Variants in JARID2 observed in about 807,000 individuals in gnomAD.
JARID2 encodes the protein protein Jumonji.
In JARID2, 21 loss-of-function variants were observed where a neutral mutation model predicts 125.6. The ratio of observed to expected loss-of-function variants is 0.17; its 90% CI spans 0.12 to 0.24. JARID2 has a LOEUF of 0.24. Ranked by LOEUF, JARID2 falls within the 10% of genes least tolerant of loss-of-function variation. The pLI, the probability that JARID2 is intolerant of heterozygous loss-of-function variation, is 1.00. For missense variants in JARID2, 1,303 were observed against 1,639.6 expected (o/e 0.79, Z 3.55); for synonymous variants, 736 against 661.6 (o/e 1.11, Z -1.73).
intron 4 of JARID2, among the ~76,000 whole-genome samples, chr6:15,455,691 C>A (rs1768132931): frequency 6.6e-6 from 1 of 152,158 alleles, no homozygotes; most frequent in Non-Finnish European, 1.5e-5. Flanking sequence ...ACCACTACGC[C>A]TGGCTAATTT....
chr6:15,304,013 CCT>C (rs896987177), intron 1 of JARID2, among the ~76,000 whole-genome samples: 22 of 152,264 alleles, frequency 1.4e-4, no homozygotes, highest in African/African-American at 5.1e-4. Context: ...GTTCTCTGGG[CCT>C]CTGTTTCTTC....
chr6:15,252,987 T>C (rs1561747693), intron 1 of JARID2, among the ~76,000 whole-genome samples: 1 of 152,244 alleles, frequency 6.6e-6, no homozygotes, highest in Non-Finnish European at 1.5e-5. Context: ...TTATTCTCAT[T>C]ATCCTTCTAG....
intron 1 of JARID2, among the ~76,000 whole-genome samples, chr6:15,319,929 C>G (rs777479610): frequency 6.6e-6 from 1 of 152,108 alleles, no homozygotes; most frequent in Non-Finnish European, 1.5e-5. Flanking sequence ...AAGTTCAGCC[C>G]CTTGACTCTT....
intron 2 of JARID2, among the ~76,000 whole-genome samples, chr6:15,399,210 C>T (rs1469572024): frequency 6.6e-6 from 1 of 152,192 alleles, no homozygotes; most frequent in Non-Finnish European, 1.5e-5. Context: ...AGCACCTCTT[C>T]TCCAGCCTTC....
At chr6:15,339,136 G>T (rs1021969120) in intron 1 of JARID2, among the ~76,000 whole-genome samples, 1 of 152,058 alleles carries the variant, frequency 6.6e-6, no homozygotes, top group Non-Finnish European at 1.5e-5. Context: ...GACGGGAAGC[G>T]GAGACACTTT....
At chr6:15,467,541 T>TA in intron 4 of JARID2, among the ~76,000 whole-genome samples, 1 of 151,912 alleles carries the variant, frequency 6.6e-6, no homozygotes. Context: ...TTTTTTTTTT[T>TA]TAAGAATATT....
intron 4 of JARID2, 193 bp downstream of exon 4, chr6:15,452,368 A>T (rs533009103): frequency 9.2e-4 from 359 of 391,740 alleles, no homozygotes; most frequent in Non-Finnish European, 1.1e-3. Context: ...CCATCAGTTA[A>T]GTTTTATTTC....
At chr6:15,458,863 TAAAGC>T (rs1201263215) in intron 4 of JARID2, among the ~76,000 whole-genome samples, 1 of 152,200 alleles carries the variant, frequency 6.6e-6, no homozygotes, top group East Asian at 1.9e-4. Flanking sequence ...GTCCTGGAGT[TAAAGC>T]AAGAAAGTTA....
chr6:15,302,791 A>G (rs1440165085), intron 1 of JARID2, among the ~76,000 whole-genome samples: 3 of 151,854 alleles, frequency 2.0e-5, no homozygotes, highest in Non-Finnish European at 2.9e-5. Context: ...CTGGAGTGCA[A>G]TGGCGTGATC....
chr6:15,294,795 G>C (rs1761348436), intron 1 of JARID2, among the ~76,000 whole-genome samples: 1 of 152,128 alleles, frequency 6.6e-6, no homozygotes, highest in Admixed American at 6.5e-5. Context: ...TTTAGTGTGA[G>C]GGCCTCAACC....
chr6:15,424,255 A>G (rs912094967), intron 3 of JARID2, among the ~76,000 whole-genome samples: 2 of 151,422 alleles, frequency 1.3e-5, no homozygotes, highest in African/African-American at 4.9e-5. Flanking sequence ...GTCATGAGCC[A>G]CTGTGCCTGG....
chr6:15,379,256 T>C (rs1451775350), intron 2 of JARID2, among the ~76,000 whole-genome samples: 1 of 152,182 alleles, frequency 6.6e-6, no homozygotes, highest in Non-Finnish European at 1.5e-5. Context: ...ATGCCATCGT[T>C]ACAGCTTGTT....
In JARID2 at chr6:15,452,087, A is replaced by T; in HGVS notation, c.405A>T (p.Pro135=). The T allele has an allele frequency of 6.2e-7, 1 of 1,614,140 alleles. No homozygotes were observed. The highest frequency in any genetic ancestry group is 8.5e-7 in the Non-Finnish European group (1 of 1,179,998). The change falls in exon 4 of 18, where the codon CCA becomes CCT. Residue 135 remains proline (P), a synonymous_variant. Coordinates refer to ENST00000341776, the MANE Select transcript of JARID2 (RefSeq NM_004973.4). Reference sequence around the variant, plus strand: ...CAACTCCAGTAAAGATAGTGGAGCCATTGCTACCCCCTCCAGCTACTCAGA... The same window carrying T: ...CAACTCCAGTAAAGATAGTGGAGCCTTTGCTACCCCCTCCAGCTACTCAGA... ...PSTTPVKIVE[P]LLPPPATQIS...
intron 1 of JARID2, among the ~76,000 whole-genome samples, chr6:15,332,046 C>A (rs927974616): frequency 1.3e-5 from 2 of 152,044 alleles, no homozygotes; most frequent in African/African-American, 2.4e-5. Context: ...GAACTGATGC[C>A]CTCAGAAAGT....
rs1233971799 is a variant in JARID2 at position 15,496,310 on chromosome 6, C to A, written c.1085C>A (p.Pro362His). 6.8e-6 allele frequency: 11 copies of A among 1,614,084 alleles called. No individual in the cohort carries two copies. The highest frequency in any genetic ancestry group is 8.5e-6 in the Non-Finnish European group (10 of 1,180,054). Reference protein sequence around the residue: ...AKRELVKDTKPNHHKPSSAVN... With the variant: ...AKRELVKDTKHNHHKPSSAVN... ...AGAGAACTGGTCAAGGACACCAAAC[C>A]CAATCACCACAAGCCCAGTTCCGCT... Residue 362 changes from proline to histidine, a missense_variant, in exon 7 of 18, where the codon CCC becomes CAC. Physicochemically the swap from Pro to His is moderately conservative, Grantham distance 77. This residue lies in a region of JARID2 where 651 missense variants were observed against 581.6 expected (regional missense o/e 1.12). Coordinates refer to ENST00000341776, the MANE Select transcript of JARID2 (RefSeq NM_004973.4).
chr6:15,494,350 ATG>A (rs1277402224), intron 6 of JARID2, among the ~76,000 whole-genome samples: 5 of 143,098 alleles, frequency 3.5e-5, no homozygotes, highest in African/African-American at 1.3e-4. Flanking sequence ...GGGCCCAGTG[ATG>A]TGTTTACATC....
chr6:15,479,641 C>T (rs910968114), intron 5 of JARID2, among the ~76,000 whole-genome samples: 3 of 152,156 alleles, frequency 2.0e-5, no homozygotes, highest in Non-Finnish European at 4.4e-5. Flanking sequence ...GTTCCAGAAG[C>T]GTTTTACAAA....
intron 1 of JARID2, among the ~76,000 whole-genome samples, chr6:15,328,202 A>T (rs559064502): frequency 6.6e-6 from 1 of 152,086 alleles, no homozygotes; most frequent in Non-Finnish European, 1.5e-5. Flanking sequence ...AGGTCCGAAG[A>T]AGCAAAGATC....
rs756130130 is a variant in JARID2 at position 15,517,279 on chromosome 6, G to A, written c.3558+11G>A. ...TACCGCTACGATGAGGTCAGTCCCTGCCCGCGGGGTAGGGCAGGGCGGCAG... is the reference window on the plus strand; with the variant it reads ...TACCGCTACGATGAGGTCAGTCCCTACCCGCGGGGTAGGGCAGGGCGGCAG... On this transcript the variant is annotated intron_variant, in intron 17 of 17. Transcript: ENST00000341776. 7 of 1,594,254 alleles carry A rather than the reference G, an allele frequency of 4.4e-6. No homozygotes were observed. Among genetic ancestry groups the A allele is most frequent in the Non-Finnish European group, 5.2e-6 (6 of 1,161,990 alleles).
Sources: allele counts gnomAD v4.1 joint callset (sites outside exome capture counted in the v4.1 genomes callset), GRCh38; gene constraint gnomAD v4.1.1; regional missense constraint gnomAD v4.1.1; transcripts MANE v1.5; gene names NCBI Gene and HGNC (gene_info 2026-07-23, HGNC 2026-07-21).